ARK2N: variants seen among roughly 807,000 people sequenced by gnomAD.
ARK2N encodes arkadia (RNF111) N-terminal like PKA signaling regulator 2N, also known as protein ARK2N.
the ARK2N span, among the ~76,000 whole-genome samples, chr18:46,189,961 A>T: frequency 6.7e-6 from 1 of 149,638 alleles, no homozygotes; most frequent in Admixed American, 6.7e-5. Flanking sequence ...GTTTGGTTGA[A>T]GAAGGCTACT....
chr18:46,241,814 A>G, the ARK2N span, among the ~76,000 whole-genome samples: 5 of 151,956 alleles, frequency 3.3e-5, no homozygotes, highest in African/African-American at 1.2e-4. Flanking sequence ...TAAGTTATTT[A>G]TTTATTTATT....
chr18:46,175,543 T>C, the ARK2N span, among the ~76,000 whole-genome samples: 17 of 149,578 alleles, frequency 1.1e-4, no homozygotes, highest in African/African-American at 3.5e-4. Context: ...CTACAATTGA[T>C]AGTTACTGCC....
At chr18:46,213,272 A>G in the ARK2N span, among the ~76,000 whole-genome samples, 9 of 151,950 alleles carry the variant, frequency 5.9e-5, no homozygotes, top group Non-Finnish European at 1.2e-4. Flanking sequence ...AGTGCTGGGA[A>G]TACAAACGTG....
chr18:46,259,255 T>C, the ARK2N span, among the ~76,000 whole-genome samples: 4 of 151,030 alleles, frequency 2.6e-5, no homozygotes, highest in Non-Finnish European at 4.4e-5. Context: ...TTTTTTTTTT[T>C]TTTTTTGAGA....
chr18:46,214,774 T>A, the ARK2N span, among the ~76,000 whole-genome samples: 1 of 152,192 alleles, frequency 6.6e-6, no homozygotes. Flanking sequence ...TATACTAGGC[T>A]TTCTGGGTTC....
At chr18:46,245,951 A>T in the ARK2N span, among the ~76,000 whole-genome samples, 8 of 152,336 alleles carry the variant, frequency 5.3e-5, no homozygotes, top group African/African-American at 1.9e-4. Context: ...GAATTTTCTC[A>T]TATAGTGAAA....
the ARK2N span, among the ~76,000 whole-genome samples, chr18:46,226,527 T>C: frequency 2.0e-5 from 3 of 152,352 alleles, no homozygotes; most frequent in Non-Finnish European, 4.4e-5. Flanking sequence ...AGTTTAATTT[T>C]GTTTTCAATC....
the ARK2N span, among the ~76,000 whole-genome samples, chr18:46,222,316 G>A: frequency 4.6e-5 from 7 of 152,148 alleles, no homozygotes; most frequent in Non-Finnish European, 7.4e-5. Flanking sequence ...GTTCTAAACA[G>A]TGGAGTCTGG....
chr18:46,240,752 A>AT, the ARK2N span, among the ~76,000 whole-genome samples: 1 of 152,150 alleles, frequency 6.6e-6, no homozygotes, highest in South Asian at 2.1e-4. Flanking sequence ...CCTGTCTTAC[A>AT]TTTTTTTAGT....
chr18:46,200,516 C>T, the ARK2N span, among the ~76,000 whole-genome samples: 1 of 152,114 alleles, frequency 6.6e-6, no homozygotes, highest in African/African-American at 2.4e-5. Context: ...CTATGTTGGC[C>T]AGGCTGGGCT....
At chr18:46,202,251 A>G in the ARK2N span, among the ~76,000 whole-genome samples, 1 of 152,072 alleles carries the variant, frequency 6.6e-6, no homozygotes, top group Admixed American at 6.6e-5. Flanking sequence ...TACTTTGTTG[A>G]TAGTTCACAA....
chr18:46,261,278 AATCAG>A, the ARK2N span, among the ~76,000 whole-genome samples: 204 of 152,362 alleles, frequency 1.3e-3, no homozygotes, highest in African/African-American at 4.3e-3. Flanking sequence ...TTGGACCCAA[AATCAG>A]ACCTGTCTTC....
At chr18:46,182,856 A>G in the ARK2N span, among the ~76,000 whole-genome samples, 2 of 152,190 alleles carry the variant, frequency 1.3e-5, no homozygotes, top group Admixed American at 6.6e-5. Flanking sequence ...AGTTTATATC[A>G]GTGGAGAAAA....
At chr18:46,241,213 C>G in the ARK2N span, among the ~76,000 whole-genome samples, 1 of 152,166 alleles carries the variant, frequency 6.6e-6, no homozygotes, top group Non-Finnish European at 1.5e-5. Context: ...AGAAAAATCA[C>G]TTGTTTGTTG....
the ARK2N span, among the ~76,000 whole-genome samples, chr18:46,241,311 C>G: frequency 6.6e-6 from 1 of 152,110 alleles, no homozygotes; most frequent in Non-Finnish European, 1.5e-5. Context: ...CCTGTTTGTC[C>G]TTGGACCAGT....
the ARK2N span, among the ~76,000 whole-genome samples, chr18:46,179,580 G>A: frequency 3.9e-5 from 6 of 151,946 alleles, no homozygotes; most frequent in South Asian, 1.2e-3. Context: ...GTAAGGAGCA[G>A]GAGCAGGGTG....
At chr18:46,241,538 A>G in the ARK2N span, among the ~76,000 whole-genome samples, 1 of 152,058 alleles carries the variant, frequency 6.6e-6, no homozygotes, top group African/African-American at 2.4e-5. Context: ...CCTGATCAGC[A>G]TGGTGAAACC....
the ARK2N span, among the ~76,000 whole-genome samples, chr18:46,189,778 C>A: frequency 6.6e-6 from 1 of 152,128 alleles, no homozygotes; most frequent in Non-Finnish European, 1.5e-5. Flanking sequence ...GTGGGCGGAT[C>A]GCTTGAGCCT....
chr18:46,181,231 G>A, the ARK2N span, among the ~76,000 whole-genome samples: 1 of 152,172 alleles, frequency 6.6e-6, no homozygotes, highest in Admixed American at 6.5e-5. Context: ...TTGCACTCCA[G>A]CTCTGGGCAA....
Sources: gnomAD v4.1 joint callset for allele counts (sites outside exome capture counted in the v4.1 genomes callset) on GRCh38, gnomAD v4.1.1 for gene constraint, MANE v1.5 for transcripts, NCBI Gene and HGNC (gene_info 2026-07-23, HGNC 2026-07-21) for gene names.